The following NEGR1 variants were observed in gnomAD, a reference collection of about 807,000 sequenced individuals.
NEGR1 encodes the protein IgLON family member 4.
NEGR1 carries 10 observed loss-of-function variants against 40.9 expected under a neutral mutation model. The ratio of observed to expected loss-of-function variants is 0.24; its 90% CI spans 0.15 to 0.42. The LOEUF (loss-of-function observed/expected upper bound fraction) is 0.42. NEGR1 is among the 10% of genes least tolerant of loss of function. The probability of loss-of-function intolerance (pLI) is 1.00; values close to 1 mark genes in which losing one functional copy is unlikely to be tolerated. For missense variants in NEGR1, 352 were observed against 438.9 expected (o/e 0.80, Z 1.77); for synonymous variants, 185 against 166.8 (o/e 1.11, Z -0.84).
intron 1 of NEGR1, among the ~76,000 whole-genome samples, chr1:71,943,212 T>C (rs1388320145): frequency 6.7e-6 from 1 of 148,610 alleles, no homozygotes; most frequent in East Asian, 2.0e-4. Flanking sequence ...TATGTATAGT[T>C]AAGTTTGTTT....
chr1:72,194,197 T>C (rs12070904), intron 1 of NEGR1, among the ~76,000 whole-genome samples: 5,243 of 151,972 alleles, frequency 0.034, 293 homozygotes, highest in African/African-American at 0.12. Flanking sequence ...TCTCTGTGTA[T>C]GTGAAAACAG....
intron 4 of NEGR1, among the ~76,000 whole-genome samples, chr1:71,684,369 T>A (rs1591382): frequency 1.3e-5 from 2 of 152,074 alleles, no homozygotes; most frequent in Non-Finnish European, 2.9e-5. Flanking sequence ...ATGAGGGTTT[T>A]TAATTAAAAC....
rs574366816 is a variant in NEGR1 at position 72,151,272 on chromosome 1, T to C, written c.176+131047A>G. On this transcript the variant is annotated intron_variant, in intron 1 of 6. Transcript: ENST00000357731. ...ATTTAATAAATATAATTTAGTTTAA[T>C]AAATACTTAAATTATTAAATATACT... Among the ~76,000 whole-genome samples the C allele has an allele frequency of 3.0e-3, 449 of 151,218 alleles. 3 individuals are homozygous for C. Among genetic ancestry groups the C allele is most frequent in the African/African-American group, 0.01 (431 of 41,430 alleles).
chr1:71,662,122 T>C (rs1049951074), intron 4 of NEGR1, among the ~76,000 whole-genome samples: 2 of 152,214 alleles, frequency 1.3e-5, no homozygotes, highest in African/African-American at 4.8e-5. Flanking sequence ...TGAAGAAATT[T>C]GTGGTTTAAA....
chr1:71,640,374 G>A (rs541776519), intron 4 of NEGR1, among the ~76,000 whole-genome samples: 166 of 152,142 alleles, frequency 1.1e-3, no homozygotes, highest in Middle Eastern at 3.4e-3. Flanking sequence ...AGGATGCATT[G>A]ATATCTCAGA....
intron 1 of NEGR1, among the ~76,000 whole-genome samples, chr1:71,970,624 G>A (rs1646248228): frequency 6.6e-6 from 1 of 152,080 alleles, no homozygotes; most frequent in Non-Finnish European, 1.5e-5. Flanking sequence ...GAACCTGGAG[G>A]TTTCAGTGAG....
intron 2 of NEGR1, among the ~76,000 whole-genome samples, chr1:71,834,349 C>T (rs1406603370): frequency 6.6e-6 from 1 of 151,962 alleles, no homozygotes; most frequent in Non-Finnish European, 1.5e-5. Context: ...GATCAATGAA[C>T]TGAGTAAAAT....
intron 2 of NEGR1, among the ~76,000 whole-genome samples, chr1:71,801,837 A>G (rs1657573642): frequency 6.6e-6 from 1 of 152,232 alleles, no homozygotes; most frequent in Admixed American, 6.5e-5. Context: ...TAAGGACATT[A>G]AAGGTGATAC....
At chr1:71,473,969 C>T (rs116538518) in intron 6 of NEGR1, among the ~76,000 whole-genome samples, 1 of 152,150 alleles carries the variant, frequency 6.6e-6, no homozygotes, top group Non-Finnish European at 1.5e-5. Context: ...GAGCCTGCTG[C>T]TTGCCTGTAC....
intron 1 of NEGR1, among the ~76,000 whole-genome samples, chr1:72,154,424 T>G (rs2100361515): frequency 6.6e-6 from 1 of 152,114 alleles, no homozygotes; most frequent in Non-Finnish European, 1.5e-5. Flanking sequence ...CTGTTATCAG[T>G]GTAACTCGGA....
At chr1:72,006,414 G>GTAA (rs1646607030) in intron 1 of NEGR1, among the ~76,000 whole-genome samples, 1 of 152,118 alleles carries the variant, frequency 6.6e-6, no homozygotes, top group South Asian at 2.1e-4. Context: ...ACCACAAAAT[G>GTAA]TAATATATGT....
chr1:71,680,344 G>T (rs1652798361), intron 4 of NEGR1, among the ~76,000 whole-genome samples: 1 of 152,114 alleles, frequency 6.6e-6, no homozygotes, highest in Admixed American at 6.6e-5. Context: ...GACTGTTAAA[G>T]AAATTATTTT....
chr1:71,970,417 C>G (rs553680734), intron 1 of NEGR1, among the ~76,000 whole-genome samples: 1 of 152,154 alleles, frequency 6.6e-6, no homozygotes, highest in Non-Finnish European at 1.5e-5. Context: ...AAGGGCGGGA[C>G]TAGGGGCTCA....
chr1:71,613,596 G>A (rs1386987168), intron 4 of NEGR1, among the ~76,000 whole-genome samples: 1 of 151,548 alleles, frequency 6.6e-6, no homozygotes, highest in East Asian at 1.9e-4. Context: ...GGCAGAGGTT[G>A]CAGTGAATTG....
At chr1:72,238,690 C>A (rs1293864890) in intron 1 of NEGR1, among the ~76,000 whole-genome samples, 3 of 151,860 alleles carry the variant, frequency 2.0e-5, no homozygotes, top group Non-Finnish European at 4.4e-5. Flanking sequence ...TTGTGCAATT[C>A]TATTATATAA....
At chr1:71,877,691 G>A (rs1660471549) in intron 2 of NEGR1, among the ~76,000 whole-genome samples, 1 of 152,048 alleles carries the variant, frequency 6.6e-6, no homozygotes, top group Non-Finnish European at 1.5e-5. Context: ...AATAGACAAA[G>A]AGTAAAATTA....
chr1:72,018,461 A>T (rs945460952), intron 1 of NEGR1, among the ~76,000 whole-genome samples: 2 of 152,194 alleles, frequency 1.3e-5, no homozygotes, highest in Non-Finnish European at 2.9e-5. Flanking sequence ...AAATATATAC[A>T]AAAACAGGGT....
intron 3 of NEGR1, among the ~76,000 whole-genome samples, chr1:71,766,172 CA>C (rs35894619): frequency 0.56 from 61,093 of 109,608 alleles, 14,311 homozygotes; most frequent in East Asian, 0.67. Flanking sequence ...GACTCCGTCT[CA>C]AAAAAAAAAA....
At chr1:72,078,217 G>C (rs1259594831) in intron 1 of NEGR1, among the ~76,000 whole-genome samples, 2 of 152,130 alleles carry the variant, frequency 1.3e-5, no homozygotes, top group African/African-American at 4.8e-5. Flanking sequence ...ACACAGCAGA[G>C]ATGTGAAGTG....
Sources: gnomAD v4.1 joint callset for allele counts (sites outside exome capture counted in the v4.1 genomes callset) on GRCh38, gnomAD v4.1.1 for gene constraint, MANE v1.5 for transcripts, NCBI Gene and HGNC (gene_info 2026-07-23, HGNC 2026-07-21) for gene names.